The following WWTR1 variants were observed in gnomAD, a reference collection of about 807,000 sequenced individuals.
WWTR1 encodes WW domain-containing transcription regulator protein 1.
A neutral mutation model predicts 40.1 loss-of-function variants in WWTR1; 13 were observed. The ratio of observed to expected loss-of-function variants is 0.32; its 90% confidence interval spans 0.21 to 0.52. WWTR1 has a LOEUF of 0.52. WWTR1 is among the 20% of genes least tolerant of loss of function. The probability of loss-of-function intolerance (pLI) is 0.97; values close to 1 mark genes in which losing one functional copy is unlikely to be tolerated. For missense variants in WWTR1, 436 were observed against 523.1 expected (o/e 0.83, Z 1.63); for synonymous variants, 230 against 210.1 (o/e 1.09, Z -0.82).
chr3:149,598,137 C>T (rs1210836963), intron 2 of WWTR1, among the ~76,000 whole-genome samples: 3 of 152,068 alleles, frequency 2.0e-5, no homozygotes, highest in Non-Finnish European at 4.4e-5. Context: ...CCAGAAAAGC[C>T]GTAAAGGCAA....
At chr3:149,656,781 T>TCACACA (rs1396422378) in intron 2 of WWTR1, 95 bp downstream of exon 2, 5 of 1,007,186 alleles carry the variant, frequency 5.0e-6, no homozygotes, top group South Asian at 2.1e-5. Flanking sequence ...TCTCTCTCTC[T>TCACACA]CTCTCTCTCT....
At chr3:149,550,919 G>T (rs1295266996) in intron 3 of WWTR1, among the ~76,000 whole-genome samples, 2 of 138,250 alleles carry the variant, frequency 1.4e-5, no homozygotes, top group East Asian at 2.1e-4. Context: ...CTATCTTTTA[G>T]TTTTTTTTTT....
chr3:149,551,570 A>G lies in WWTR1; in HGVS notation c.569-9033T>C, dbSNP rs534848911. On this transcript the variant is annotated intron_variant, in intron 3 of 6. Transcript: ENST00000360632. ...AAAAGCTTCCAAAAGTTAGAATGCA[A>G]AGCTTTACAATCACCTCATTCTCTT... Among the ~76,000 whole-genome samples, 160 of 145,716 alleles carry G rather than the reference A, an allele frequency of 1.1e-3. 26 individuals are homozygous for G. Among genetic ancestry groups the G allele is most frequent in the African/African-American group, 4.0e-3 (153 of 38,454 alleles).
At chr3:149,648,144 C>G (rs1249033118) in intron 2 of WWTR1, among the ~76,000 whole-genome samples, 1 of 152,114 alleles carries the variant, frequency 6.6e-6, no homozygotes, top group East Asian at 1.9e-4. Flanking sequence ...GAACACCCAG[C>G]CTTCATTCAT....
intron 2 of WWTR1, among the ~76,000 whole-genome samples, chr3:149,595,108 T>G (rs1485113114): frequency 6.6e-6 from 1 of 151,584 alleles, no homozygotes; most frequent in Non-Finnish European, 1.5e-5. Context: ...ACTACAGGCA[T>G]GCACCACCAC....
intron 2 of WWTR1, among the ~76,000 whole-genome samples, chr3:149,573,570 A>AGCT (rs563146451): frequency 5.7e-4 from 87 of 152,352 alleles, no homozygotes; most frequent in African/African-American, 2.0e-3. Context: ...ACCCTCAAGA[A>AGCT]GCTCACTGTC....
intron 2 of WWTR1, among the ~76,000 whole-genome samples, chr3:149,629,645 T>C (rs1163744335): frequency 6.6e-6 from 1 of 152,152 alleles, no homozygotes; most frequent in African/African-American, 2.4e-5. Context: ...CAATCTTTGA[T>C]AAAAATATTG....
chr3:149,571,209 CTTTTCTTTTTTTTTTTTTTT>C (rs1325970880), intron 3 of WWTR1, among the ~76,000 whole-genome samples: 4 of 99,050 alleles, frequency 4.0e-5, no homozygotes, highest in Non-Finnish European at 6.3e-5. Flanking sequence ...ATTTTTTTTT[CTTTTCTTTTTTTTTTTTTTT>C]TTTTTTTGTA....
chr3:149,663,143 C>G (rs906615702), intron 2 of WWTR1, among the ~76,000 whole-genome samples: 5 of 152,044 alleles, frequency 3.3e-5, no homozygotes, highest in African/African-American at 7.2e-5. Context: ...AGCGATTCTC[C>G]TGTCTTAGCC....
At chr3:149,544,469 G>A (rs1024879137) in intron 3 of WWTR1, among the ~76,000 whole-genome samples, 3 of 152,194 alleles carry the variant, frequency 2.0e-5, no homozygotes, top group Non-Finnish European at 4.4e-5. Flanking sequence ...GTGGAAGAGA[G>A]GTGTGAAGAA....
intron 5 of WWTR1, among the ~76,000 whole-genome samples, chr3:149,527,272 C>T (rs577275804): frequency 6.6e-5 from 10 of 151,774 alleles, no homozygotes; most frequent in Admixed American, 5.9e-4. Context: ...CTCAGCCTCC[C>T]GAGTAGCTGG....
At chr3:149,674,007 C>G (rs1714178086) in intron 1 of WWTR1, among the ~76,000 whole-genome samples, 1 of 138,982 alleles carries the variant, frequency 7.2e-6, no homozygotes, top group South Asian at 2.2e-4. Flanking sequence ...TAAGCCTAGG[C>G]AACATAGTAG....
At chr3:149,642,439 G>A (rs1712226016) in intron 2 of WWTR1, among the ~76,000 whole-genome samples, 2 of 146,918 alleles carry the variant, frequency 1.4e-5, no homozygotes, top group East Asian at 2.0e-4. Context: ...ACACACACAC[G>A]AAAGTACGAA....
chr3:149,645,042 G>A (rs543763434), intron 2 of WWTR1, among the ~76,000 whole-genome samples: 3 of 151,676 alleles, frequency 2.0e-5, no homozygotes, highest in East Asian at 1.9e-4. Context: ...TAGTAGATAC[G>A]GGGTTTCACC....
At chr3:149,597,618 CA>C (rs113076518) in intron 2 of WWTR1, among the ~76,000 whole-genome samples, 3 of 149,292 alleles carry the variant, frequency 2.0e-5, no homozygotes, top group African/African-American at 4.9e-5. Context: ...GATCCTGTCT[CA>C]AAAAAAAATA....
intron 2 of WWTR1, among the ~76,000 whole-genome samples, chr3:149,618,423 T>C (rs750365032): frequency 1.3e-5 from 2 of 152,164 alleles, no homozygotes; most frequent in Non-Finnish European, 2.9e-5. Flanking sequence ...CGATACAACA[T>C]GTATTTATCT....
intron 2 of WWTR1, among the ~76,000 whole-genome samples, chr3:149,652,695 C>G (rs1336330346): frequency 3.6e-5 from 2 of 56,198 alleles, no homozygotes; most frequent in Non-Finnish European, 7.8e-5. Context: ...GGTGACCTAA[C>G]AGACAAATTT....
At chr3:149,608,863 G>A (rs1161539427) in intron 2 of WWTR1, among the ~76,000 whole-genome samples, 1 of 151,856 alleles carries the variant, frequency 6.6e-6, no homozygotes, top group Non-Finnish European at 1.5e-5. Context: ...GACCAGCCTG[G>A]GCAACATGGC....
intron 2 of WWTR1, among the ~76,000 whole-genome samples, chr3:149,602,222 A>G (rs1400667924): frequency 1.3e-5 from 2 of 152,204 alleles, no homozygotes; most frequent in Non-Finnish European, 2.9e-5. Flanking sequence ...CCAAAGGCAA[A>G]GTTCAGGTAG....
Sources: gnomAD v4.1 joint callset for allele counts (sites outside exome capture counted in the v4.1 genomes callset) on GRCh38, gnomAD v4.1.1 for gene constraint, MANE v1.5 for transcripts, NCBI Gene and HGNC (gene_info 2026-07-23, HGNC 2026-07-21) for gene names.